VAT1L: variants seen among roughly 807,000 people sequenced by gnomAD.
VAT1L encodes the protein putative NADPH-dependent quinone oxidoreductase VAT1L.
A neutral mutation model predicts 44.1 loss-of-function variants in VAT1L; 34 were observed. That is an observed-to-expected ratio of 0.77 (90% CI 0.59 to 1.03). The LOEUF (loss-of-function observed/expected upper bound fraction) is 1.03. VAT1L is among the 50% of genes least tolerant of loss of function. The pLI is 0.00. For synonymous variants in VAT1L, 253 were observed against 202.2 expected (o/e 1.25, Z -2.13); for missense variants, 615 against 538.8 (o/e 1.14, Z -1.40).
chr16:77,844,238 A>G (rs2016735754), intron 3 of VAT1L, among the ~76,000 whole-genome samples: 1 of 152,148 alleles, frequency 6.6e-6, no homozygotes, highest in Non-Finnish European at 1.5e-5. Flanking sequence ...CATCTGTACT[A>G]AACAGGTACA....
At chr16:77,817,575 G>A (rs1464530353) in intron 2 of VAT1L, among the ~76,000 whole-genome samples, 1 of 152,184 alleles carries the variant, frequency 6.6e-6, no homozygotes, top group Non-Finnish European at 1.5e-5. Context: ...TCAAAGAGTG[G>A]AGGTACCTGA....
chr16:77,897,180 A>G (rs2017333200), intron 7 of VAT1L, among the ~76,000 whole-genome samples: 1 of 152,216 alleles, frequency 6.6e-6, no homozygotes, highest in Non-Finnish European at 1.5e-5. Flanking sequence ...CAGATAATGC[A>G]TGAGTAAAAG....
intron 1 of VAT1L, among the ~76,000 whole-genome samples, chr16:77,805,199 C>T (rs556453876): frequency 3.5e-4 from 54 of 152,248 alleles, no homozygotes; most frequent in African/African-American, 1.3e-3. Flanking sequence ...TAAGAGCTGC[C>T]ATCTGAGATT....
intron 1 of VAT1L, chr16:77,801,355 C>T (rs747267050): frequency 1.3e-5 from 2 of 152,048 alleles, no homozygotes; most frequent in Non-Finnish European, 2.9e-5. Flanking sequence ...CAGGAGATTC[C>T]CGAGCTAAAA....
rs199692755 is a variant in VAT1L at position 77,920,981 on chromosome 16, T to C, written c.1077+36179T>C. On this transcript the variant is annotated intron_variant, in intron 7 of 8. Coordinates refer to ENST00000302536, the MANE Select transcript of VAT1L (RefSeq NM_020927.3). ...ATGTGCATATATACACACACACACA[T>C]ACATACATACATGTAGATAATTCAT... 6.2e-5 allele frequency among the ~76,000 whole-genome samples: 8 copies of C among 128,430 alleles called. No individual in the cohort carries two copies. The South Asian group carries it at 2.1e-3, about 33-fold the overall frequency. 84.3% of individuals were successfully genotyped at this position (128,430 alleles called of 152,430 possible).
intron 7 of VAT1L, among the ~76,000 whole-genome samples, chr16:77,931,068 CAGTT>C (rs1209431762): frequency 6.6e-6 from 1 of 152,152 alleles, no homozygotes; most frequent in Non-Finnish European, 1.5e-5. Context: ...CACAGCCAGT[CAGTT>C]AGTGGTGGAC....
At chr16:77,793,146 C>G (rs1280834389) in intron 1 of VAT1L, among the ~76,000 whole-genome samples, 5 of 152,176 alleles carry the variant, frequency 3.3e-5, no homozygotes, top group African/African-American at 7.2e-5. Context: ...GGGTCTTGCT[C>G]TGTCACGCAA....
chr16:77,939,913 A>C (rs1275671813), intron 7 of VAT1L, among the ~76,000 whole-genome samples: 1 of 152,190 alleles, frequency 6.6e-6, no homozygotes, highest in Non-Finnish European at 1.5e-5. Flanking sequence ...CTTTATATAC[A>C]ATGATCAATT....
chr16:77,836,523 C>G (rs2016640635), intron 3 of VAT1L, among the ~76,000 whole-genome samples: 1 of 152,236 alleles, frequency 6.6e-6, no homozygotes, highest in Non-Finnish European at 1.5e-5. Context: ...CTTTCCCTAA[C>G]TGCTGACCCT....
chr16:77,966,438 G>C (rs1258888255), intron 7 of VAT1L, among the ~76,000 whole-genome samples: 2 of 152,110 alleles, frequency 1.3e-5, no homozygotes, highest in Non-Finnish European at 2.9e-5. Flanking sequence ...GGCACTCCAG[G>C]AGGGGACCCA....
chr16:77,893,456 T>A (rs1458871898), intron 7 of VAT1L, among the ~76,000 whole-genome samples: 1 of 152,184 alleles, frequency 6.6e-6, no homozygotes, highest in Non-Finnish European at 1.5e-5. Flanking sequence ...AAAAAGTTGA[T>A]GAGCTTAGAT....
intron 7 of VAT1L, among the ~76,000 whole-genome samples, chr16:77,965,313 T>C (rs188302867): frequency 6.6e-6 from 1 of 152,316 alleles, no homozygotes; most frequent in Admixed American, 6.5e-5. Flanking sequence ...AGGAAGCCAG[T>C]TGTTAGAATG....
At chr16:77,975,194 CTTTTTTTTTTTTTTTTTTTT>C (rs35017686) in intron 8 of VAT1L, among the ~76,000 whole-genome samples, 1 of 39,836 alleles carries the variant, frequency 2.5e-5, no homozygotes, top group Admixed American at 4.6e-4. Flanking sequence ...GGAATGACCA[CTTTTTTTTTTTTTTTTTTTT>C]TTTTTTTTTT....
intron 7 of VAT1L, among the ~76,000 whole-genome samples, chr16:77,942,950 G>T (rs2017908058): frequency 6.6e-6 from 1 of 151,482 alleles, no homozygotes; most frequent in Non-Finnish European, 1.5e-5. Flanking sequence ...TCATCATGTT[G>T]TTCAGGCTGG....
intron 3 of VAT1L, among the ~76,000 whole-genome samples, chr16:77,835,342 C>T: frequency 6.6e-6 from 1 of 152,144 alleles, no homozygotes; most frequent in East Asian, 1.9e-4. Context: ...TCTGAATAGT[C>T]TTTCCAGATT....
At chr16:77,969,909 G>A (rs2018260650) in intron 7 of VAT1L, among the ~76,000 whole-genome samples, 4 of 151,880 alleles carry the variant, frequency 2.6e-5, no homozygotes, top group African/African-American at 9.7e-5. Context: ...ACAATCATAT[G>A]ACACTATTAA....
chr16:77,808,542 C>T (rs1265708228), intron 1 of VAT1L, among the ~76,000 whole-genome samples: 1 of 152,078 alleles, frequency 6.6e-6, no homozygotes, highest in African/African-American at 2.4e-5. Flanking sequence ...GGTTTGGGAC[C>T]GTTGCTCTAG....
intron 7 of VAT1L, among the ~76,000 whole-genome samples, chr16:77,951,932 A>C (rs2018049082): frequency 6.6e-6 from 1 of 152,170 alleles, no homozygotes; most frequent in Admixed American, 6.5e-5. Context: ...ATTCCTTTGA[A>C]ACAAAAGGTA....
At chr16:77,825,920 G>A (rs2016515165) in intron 3 of VAT1L, among the ~76,000 whole-genome samples, 1 of 150,758 alleles carries the variant, frequency 6.6e-6, no homozygotes, top group Middle Eastern at 3.4e-3. Flanking sequence ...CTACTCGGGA[G>A]GCTGAGGCAG....
Sources: gnomAD v4.1 joint callset for allele counts (sites outside exome capture counted in the v4.1 genomes callset) on GRCh38, gnomAD v4.1.1 for gene constraint, MANE v1.5 for transcripts, NCBI Gene and HGNC (gene_info 2026-07-23, HGNC 2026-07-21) for gene names.